Variants in TMEM164 observed in about 807,000 individuals in gnomAD.
TMEM164 encodes RP13-360B22.2.
Under a neutral mutation model 18.8 loss-of-function variants are expected in TMEM164, and 4 were observed. The ratio of observed to expected loss-of-function variants is 0.21; its 90% CI spans 0.10 to 0.49. The LOEUF (loss-of-function observed/expected upper bound fraction) is 0.49, where lower values mean the gene tolerates loss of function less well. Ranked by LOEUF, TMEM164 falls within the 20% of genes least tolerant of loss-of-function variation. TMEM164 has a pLI of 0.98. For synonymous variants in TMEM164, 86 were observed against 101.7 expected, an observed-to-expected ratio of 0.85 and a Z score of 0.93; for missense variants, 108 against 239.9, an observed-to-expected ratio of 0.45 and a Z score of 3.63.
chrX:110,178,988 T>C (rs2067312563), downstream of TMEM164, among the ~76,000 whole-genome samples: 2 of 111,348 alleles, frequency 1.8e-5, no homozygotes, highest in Non-Finnish European at 3.8e-5. Context: ...CCCTGGTCCT[T>C]ATAGAAGTGG....
chrX:110,175,006 G>A lies in TMEM164; in HGVS notation c.*1555G>A, dbSNP rs1473019975. 2 of 112,134 alleles carry A rather than the reference G, an allele frequency of 1.8e-5. No homozygotes were observed. Among genetic ancestry groups the A allele is most frequent in the Non-Finnish European group, 3.8e-5 (2 of 53,154 alleles). 9.2% of individuals were successfully genotyped at this position (112,134 alleles called of 1,213,427 possible). Reference sequence around the variant, plus strand: ...GACCTATAGGAAGCAACCCTGGGAGGGACCGTCCTTCTGCAGAGGCCTGCG... The same window carrying A: ...GACCTATAGGAAGCAACCCTGGGAGAGACCGTCCTTCTGCAGAGGCCTGCG... On this transcript the variant is annotated 3_prime_UTR_variant, in exon 7 of 7. Coordinates refer to ENST00000372068, the MANE Select transcript of TMEM164 (RefSeq NM_032227.4).
rs541353811 is a variant in TMEM164, at chrX:110,078,523, A to G, written c.440+11127A>G. Among the ~76,000 whole-genome samples the G allele has an allele frequency of 4.2e-4, 47 of 111,864 alleles. No individual in the cohort carries two copies. The South Asian group carries it at 0.016, about 38-fold the overall frequency. ...GTGATCCCTCGGATCATCACATTTT[A>G]AAATTAAACTTTAGGTTGGGCGCAG... On this transcript the variant is annotated intron_variant, in intron 3 of 6. Transcript: ENST00000372068.
At chrX:110,027,921 T>C (rs1484935506) in intron 2 of TMEM164, among the ~76,000 whole-genome samples, 2 of 112,105 alleles carry the variant, frequency 1.8e-5, no homozygotes, top group African/African-American at 3.2e-5. Context: ...CCTCTTCTTC[T>C]AAGCTTTGGA....
intron 4 of TMEM164, among the ~76,000 whole-genome samples, chrX:110,118,700 A>T (rs369867090): frequency 2.7e-5 from 3 of 111,220 alleles, no homozygotes; most frequent in East Asian, 5.6e-4. Flanking sequence ...TTGCCAAAGT[A>T]CCACCTCACT....
chrX:110,136,980 T>A (rs2066700338), intron 4 of TMEM164, among the ~76,000 whole-genome samples: 1 of 112,032 alleles, frequency 8.9e-6, no homozygotes, highest in Admixed American at 9.5e-5. Flanking sequence ...GTCCACCAAA[T>A]GGGGTGCAAG....
At chrX:110,046,444 G>A (rs939835331) in intron 2 of TMEM164, 8 of 753,213 alleles carry the variant, frequency 1.1e-5, no homozygotes, top group African/African-American at 2.3e-5. Flanking sequence ...CTCTGCCACA[G>A]CAGCATCCAG....
chrX:110,037,037 A>T (rs1934838024), intron 2 of TMEM164, among the ~76,000 whole-genome samples: 1 of 111,281 alleles, frequency 9.0e-6, no homozygotes, highest in Non-Finnish European at 1.9e-5. Flanking sequence ...CTGGGTATGT[A>T]TAGTGACCCA....
At chrX:110,044,087 T>C (rs757496160) in intron 2 of TMEM164, among the ~76,000 whole-genome samples, 33 of 112,365 alleles carry the variant, frequency 2.9e-4, no homozygotes, top group Non-Finnish European at 5.3e-4. Flanking sequence ...AGAGGCACTA[T>C]ACTTTCCATT....
chrX:110,022,452 G>A (rs1469788625), intron 2 of TMEM164, among the ~76,000 whole-genome samples: 1 of 111,451 alleles, frequency 9.0e-6, no homozygotes, highest in East Asian at 2.8e-4. Flanking sequence ...GCCAGCACTA[G>A]GACCCATATC....
rs1303359134 is a variant in TMEM164 at position 110,175,807 on chromosome X, CATCTGAACTGGTCCAG to C, written c.*2361_*2376del. Reference sequence around the variant, plus strand: ...ATTTGGGGCATTGGGGAGCATAAGGCATCTGAACTGGTCCAGATCTCACTCTTATCTTGGGCCAAGC... The same window carrying C: ...ATTTGGGGCATTGGGGAGCATAAGGCATCTCACTCTTATCTTGGGCCAAGC... On this transcript the variant is annotated 3_prime_UTR_variant, in exon 7 of 7. Coordinates refer to ENST00000372068, the MANE Select transcript of TMEM164 (RefSeq NM_032227.4). The C allele has an allele frequency of 7.9e-6, 6 of 755,355 alleles. No homozygotes were observed. The highest frequency in any genetic ancestry group is 9.4e-6 in the Non-Finnish European group (6 of 639,690). 62.2% of individuals were successfully genotyped at this position (755,355 alleles called of 1,213,427 possible).
At chrX:110,090,759 G>A (rs1349365180) in intron 3 of TMEM164, among the ~76,000 whole-genome samples, 1 of 111,096 alleles carries the variant, frequency 9.0e-6, no homozygotes, top group East Asian at 2.8e-4. Flanking sequence ...TGCACAACAT[G>A]CAGGTTTGTT....
At chrX:110,098,999 C>T (rs2066069095) in intron 3 of TMEM164, among the ~76,000 whole-genome samples, 1 of 93,197 alleles carries the variant, frequency 1.1e-5, no homozygotes, top group South Asian at 5.4e-4. Flanking sequence ...GGGGTTTCAT[C>T]ATGTTAGCCA....
At chrX:110,043,986 T>C (rs73636935) in intron 2 of TMEM164, among the ~76,000 whole-genome samples, 4,356 of 111,793 alleles carry the variant, frequency 0.039, 210 homozygotes, top group African/African-American at 0.13. Flanking sequence ...GTGAAGGAAA[T>C]GTAAGGGATT....
At chrX:110,143,107 A>C (rs2066794229) in intron 4 of TMEM164, among the ~76,000 whole-genome samples, 1 of 112,358 alleles carries the variant, frequency 8.9e-6, no homozygotes, top group South Asian at 3.7e-4. Context: ...TTTCAGCCAG[A>C]GAGCTAAGCC....
chrX:110,013,348 T>C (rs1470617535), intron 2 of TMEM164, among the ~76,000 whole-genome samples: 2 of 112,099 alleles, frequency 1.8e-5, no homozygotes. Flanking sequence ...CTGGGAGTCC[T>C]GGGTAAACAC....
intron 1 of TMEM164, among the ~76,000 whole-genome samples, 159 bp downstream of exon 1, chrX:110,003,337 C>CGCCCTGACCCTTTCGGCCTCCGGCTT (rs1932448545): frequency 8.9e-6 from 1 of 111,758 alleles, no homozygotes; most frequent in Admixed American, 9.3e-5. Context: ...CCTTGGCCCC[C>CGCCCTGACCCTTTCGGCCTCCGGCTT]GCCCTGACCC....
intron 2 of TMEM164, among the ~76,000 whole-genome samples, chrX:110,044,693 G>A (rs750653077): frequency 8.3e-5 from 8 of 96,010 alleles, no homozygotes; most frequent in South Asian, 1.1e-3. Context: ...TCACATGATC[G>A]TCCTGCCTTG....
intron 3 of TMEM164, among the ~76,000 whole-genome samples, chrX:110,081,521 G>A (rs1215722115): frequency 2.7e-5 from 3 of 112,166 alleles, no homozygotes; most frequent in Non-Finnish European, 5.6e-5. Flanking sequence ...GACTGGATGT[G>A]GCTTGCATGT....
chrX:110,033,464 T>A (rs1046834361), intron 2 of TMEM164, among the ~76,000 whole-genome samples: 3 of 112,282 alleles, frequency 2.7e-5, no homozygotes, highest in African/African-American at 9.7e-5. Flanking sequence ...TTGGCTGTGT[T>A]CATGCCTGAG....
Sources: allele counts gnomAD v4.1 joint callset (sites outside exome capture counted in the v4.1 genomes callset), GRCh38; gene constraint gnomAD v4.1.1; transcripts MANE v1.5; gene names NCBI Gene and HGNC (gene_info 2026-07-23, HGNC 2026-07-21).